The following QTMAN variants were observed in gnomAD, a reference collection of about 807,000 sequenced individuals.
QTMAN encodes queuosine-tRNA mannosyltransferase.
At chr2:143,947,228 C>T in the QTMAN span, 2 of 884,460 alleles carry the variant, frequency 2.3e-6, no homozygotes, top group South Asian at 1.5e-5. Context: ...TGCAAATTTG[C>T]ATCACTTACG....
chr2:144,267,713 T>C, the QTMAN span, among the ~76,000 whole-genome samples: 1 of 152,210 alleles, frequency 6.6e-6, no homozygotes, highest in African/African-American at 2.4e-5. Flanking sequence ...AAAAATCTCC[T>C]GAAAGTTATA....
the QTMAN span, among the ~76,000 whole-genome samples, chr2:144,228,080 T>A: frequency 6.6e-6 from 1 of 152,118 alleles, no homozygotes; most frequent in African/African-American, 2.4e-5. Flanking sequence ...AAAAGTAACA[T>A]GCTAAGGATG....
chr2:143,974,192 T>C, the QTMAN span, among the ~76,000 whole-genome samples: 1 of 152,208 alleles, frequency 6.6e-6, no homozygotes, highest in Non-Finnish European at 1.5e-5. Context: ...TACAACCATA[T>C]TTGCAGATTT....
the QTMAN span, among the ~76,000 whole-genome samples, chr2:144,216,946 C>CT: frequency 7.2e-5 from 11 of 152,228 alleles, no homozygotes; most frequent in African/African-American, 2.6e-4. Flanking sequence ...AGTAATTAGG[C>CT]TTTTATTTAA....
chr2:143,969,230 G>A, the QTMAN span, among the ~76,000 whole-genome samples: 1 of 151,888 alleles, frequency 6.6e-6, no homozygotes, highest in Non-Finnish European at 1.5e-5. Context: ...TTCTTTTCTG[G>A]CTATTCAAGT....
chr2:144,303,347 A>G, the QTMAN span, among the ~76,000 whole-genome samples: 6 of 152,200 alleles, frequency 3.9e-5, no homozygotes, highest in Admixed American at 2.6e-4. Context: ...GTTAAATATT[A>G]AAACCTCCTT....
At chr2:144,209,587 G>C in the QTMAN span, among the ~76,000 whole-genome samples, 55 of 152,128 alleles carry the variant, frequency 3.6e-4, no homozygotes, top group South Asian at 1.5e-3. Flanking sequence ...GCAATAATGG[G>C]GTTACTAAAG....
chr2:144,249,289 C>T, the QTMAN span, among the ~76,000 whole-genome samples: 2 of 152,140 alleles, frequency 1.3e-5, no homozygotes, highest in Non-Finnish European at 2.9e-5. Context: ...ACAATCAGTA[C>T]ATTTTATTTT....
At chr2:144,277,195 T>C in the QTMAN span, among the ~76,000 whole-genome samples, 6 of 152,082 alleles carry the variant, frequency 3.9e-5, no homozygotes, top group African/African-American at 1.5e-4. Context: ...ATTTATTTCA[T>C]ATATTTATTT....
chr2:144,276,504 T>G, the QTMAN span, among the ~76,000 whole-genome samples: 2 of 152,204 alleles, frequency 1.3e-5, no homozygotes, highest in African/African-American at 4.8e-5. Context: ...TATTTGAGAT[T>G]TTGTCAGTGT....
chr2:144,331,770 G>A, the QTMAN span, among the ~76,000 whole-genome samples: 1 of 152,204 alleles, frequency 6.6e-6, no homozygotes. Context: ...CGATGAAAAT[G>A]GGAAGTTATG....
At chr2:144,079,682 T>C in the QTMAN span, among the ~76,000 whole-genome samples, 44 of 152,194 alleles carry the variant, frequency 2.9e-4, no homozygotes, top group African/African-American at 1.0e-3. Flanking sequence ...GAGTCTAATA[T>C]AGTAGATGTA....
the QTMAN span, among the ~76,000 whole-genome samples, chr2:144,127,447 T>C: frequency 6.6e-6 from 1 of 151,966 alleles, no homozygotes; most frequent in African/African-American, 2.4e-5. Flanking sequence ...TTGAATTGAA[T>C]TAAGTTAGTC....
the QTMAN span, among the ~76,000 whole-genome samples, chr2:144,156,425 T>C: frequency 6.6e-6 from 1 of 152,130 alleles, no homozygotes; most frequent in Non-Finnish European, 1.5e-5. Flanking sequence ...TGTTTAATAA[T>C]GTTGTACATC....
the QTMAN span, among the ~76,000 whole-genome samples, chr2:143,955,217 A>G: frequency 2.0e-5 from 3 of 152,282 alleles, no homozygotes; most frequent in Admixed American, 2.0e-4. Context: ...ATCCCTCATT[A>G]TTAAAAAATA....
the QTMAN span, among the ~76,000 whole-genome samples, chr2:144,148,923 T>TTATCTCCA: frequency 1.3e-5 from 2 of 151,904 alleles, no homozygotes; most frequent in African/African-American, 4.8e-5. Context: ...ATAGTGGAAA[T>TTATCTCCA]TATCTCCATC....
At chr2:144,028,363 C>T in the QTMAN span, among the ~76,000 whole-genome samples, 2 of 152,130 alleles carry the variant, frequency 1.3e-5, no homozygotes, top group Non-Finnish European at 2.9e-5. Context: ...AATAAACATG[C>T]ACTTATTTTT....
chr2:143,982,647 G>A, the QTMAN span, among the ~76,000 whole-genome samples: 1 of 151,690 alleles, frequency 6.6e-6, no homozygotes, highest in Non-Finnish European at 1.5e-5. Flanking sequence ...GATTACTTGA[G>A]GTCACGAGTT....
chr2:143,942,619 A>G, the QTMAN span: 8,835 of 167,164 alleles, frequency 0.053, 327 homozygotes, highest in East Asian at 0.16. Flanking sequence ...GTTTAGAGCT[A>G]TAGTTTTCCA....
Sources: allele counts gnomAD v4.1 joint callset (sites outside exome capture counted in the v4.1 genomes callset), GRCh38; gene constraint gnomAD v4.1.1; transcripts MANE v1.5; gene names NCBI Gene and HGNC (gene_info 2026-07-23, HGNC 2026-07-21).